Variants in PLCL2 observed in about 807,000 individuals in gnomAD.
PLCL2 encodes the protein phospholipase C like 2, also known as inactive phospholipase C-like protein 2.
PLCL2 carries 4 observed loss-of-function variants against 79.6 expected under a neutral mutation model. That is an observed-to-expected ratio of 0.05 (90% CI 0.02 to 0.11). PLCL2 has a LOEUF of 0.11. Among genes scored for constraint, PLCL2 ranks in the 10% least tolerant of loss-of-function variants. The pLI is 1.00. For synonymous variants in PLCL2, 484 were observed against 457.7 expected, an observed-to-expected ratio of 1.06 and a Z score of -0.73; for missense variants, 895 against 1,291.0, an observed-to-expected ratio of 0.69 and a Z score of 4.70.
intron 4 of PLCL2, among the ~76,000 whole-genome samples, chr3:17,049,301 TGTCAAGGTA>T (rs1480801873): frequency 6.6e-6 from 1 of 152,156 alleles, no homozygotes; most frequent in African/African-American, 2.4e-5. Flanking sequence ...GCTTAAAAAA[TGTCAAGGTA>T]ATAGGCGAAG....
At chr3:16,982,387 T>C (rs1344127665) in intron 1 of PLCL2, among the ~76,000 whole-genome samples, 1 of 152,244 alleles carries the variant, frequency 6.6e-6, no homozygotes, top group East Asian at 1.9e-4. Flanking sequence ...CATTTTTTTC[T>C]TTCCCTGTTT....
chr3:16,982,520 C>G (rs2064010002), intron 1 of PLCL2, among the ~76,000 whole-genome samples: 6 of 152,214 alleles, frequency 3.9e-5, no homozygotes, highest in Admixed American at 1.3e-4. Flanking sequence ...GTGTAAAGTA[C>G]TCTCCAAGAT....
chr3:17,073,948 A>T (rs932807784), intron 5 of PLCL2, among the ~76,000 whole-genome samples: 2 of 152,156 alleles, frequency 1.3e-5, no homozygotes, highest in Non-Finnish European at 2.9e-5. Context: ...GAGGGCTGGG[A>T]TCAACTTCCT....
intron 3 of PLCL2, among the ~76,000 whole-genome samples, chr3:17,040,995 A>G (rs949029446): frequency 1.3e-5 from 2 of 152,138 alleles, no homozygotes; most frequent in Admixed American, 6.6e-5. Context: ...AGCTGTAACA[A>G]TCACCATCCT....
At chr3:16,992,412 C>T (rs905133588) in intron 1 of PLCL2, among the ~76,000 whole-genome samples, 2 of 152,212 alleles carry the variant, frequency 1.3e-5, no homozygotes, top group Non-Finnish European at 2.9e-5. Context: ...TAACTGCCCT[C>T]CACAGTGCTC....
chr3:16,944,084 T>C (rs952004724), intron 1 of PLCL2, among the ~76,000 whole-genome samples: 6 of 152,224 alleles, frequency 3.9e-5, no homozygotes, highest in African/African-American at 1.4e-4. Flanking sequence ...TTTATTGCAC[T>C]TACTAGCTGT....
chr3:16,894,955 C>T lies in PLCL2; in HGVS notation c.327+9589C>T, dbSNP rs993191462. ...GCTTAGATTTTTATTTCTATCAATC[C>T]GTGCTAATAGCTTATATTAAATGCC... On this transcript the variant is annotated intron_variant, in intron 1 of 5. Transcript: ENST00000615277. Among the ~76,000 whole-genome samples the T allele has an allele frequency of 5.9e-5, 9 of 151,502 alleles. No individual in the cohort carries two copies. In the South Asian group the frequency reaches 1.5e-3, roughly 25 times the overall value.
intron 5 of PLCL2, among the ~76,000 whole-genome samples, chr3:17,068,995 G>C (rs2065035517): frequency 6.6e-6 from 1 of 152,170 alleles, no homozygotes. Context: ...GGGAAGAAAG[G>C]AAGGCTTCCC....
chr3:16,892,879 G>A (rs1696383868), intron 1 of PLCL2, among the ~76,000 whole-genome samples: 1 of 152,166 alleles, frequency 6.6e-6, no homozygotes, highest in Non-Finnish European at 1.5e-5. Context: ...GGCAAAGCCA[G>A]CATTCTGACC....
intron 5 of PLCL2, among the ~76,000 whole-genome samples, chr3:17,086,422 C>T (rs2065221120): frequency 6.6e-6 from 1 of 152,194 alleles, no homozygotes; most frequent in South Asian, 2.1e-4. Flanking sequence ...ACACCCTTCA[C>T]AAGAATTAAC....
intron 5 of PLCL2, among the ~76,000 whole-genome samples, chr3:17,084,769 A>T (rs1191116683): frequency 3.9e-5 from 6 of 152,180 alleles, no homozygotes; most frequent in Non-Finnish European, 8.8e-5. Context: ...AATAGAGAGG[A>T]CCTTACTCAA....
chr3:17,013,106 G>A (rs967684514), intron 2 of PLCL2, among the ~76,000 whole-genome samples: 2 of 152,130 alleles, frequency 1.3e-5, no homozygotes, highest in Non-Finnish European at 2.9e-5. Context: ...AAGCATAACA[G>A]ACATATGAAG....
At chr3:16,944,260 G>C (rs2063580834) in intron 1 of PLCL2, among the ~76,000 whole-genome samples, 1 of 152,184 alleles carries the variant, frequency 6.6e-6, no homozygotes, top group East Asian at 1.9e-4. Flanking sequence ...CTCAATACAG[G>C]TTAGTCAATC....
chr3:17,024,202 A>C (rs1355015837), intron 3 of PLCL2, among the ~76,000 whole-genome samples: 1 of 152,210 alleles, frequency 6.6e-6, no homozygotes, highest in Non-Finnish European at 1.5e-5. Context: ...TATTTTTGTT[A>C]GGTGAATAAC....
At chr3:16,986,156 G>C (rs1412804717) in intron 1 of PLCL2, among the ~76,000 whole-genome samples, 1 of 152,030 alleles carries the variant, frequency 6.6e-6, no homozygotes, top group Non-Finnish European at 1.5e-5. Context: ...TAGAAATGAT[G>C]TTGGACTACT....
rs1319788850 is a variant in PLCL2 at position 16,964,934 on chromosome 3, A to G, written c.328-44740A>G. Among the ~76,000 whole-genome samples the G allele has an allele frequency of 2.6e-5, 4 of 151,502 alleles. No homozygotes were observed. The South Asian group carries it at 6.3e-4, about 24-fold the overall frequency. Reference sequence around the variant, plus strand: ...GCTGGATATTAGCCCTTTGTCAGATAAGTAGATTGCAAAAATGTTCTCCCA... The same window carrying G: ...GCTGGATATTAGCCCTTTGTCAGATGAGTAGATTGCAAAAATGTTCTCCCA... On this transcript the variant is annotated intron_variant, in intron 1 of 5. Transcript: ENST00000615277.
At chr3:17,015,020 C>T in intron 3 of PLCL2, 109 bp downstream of exon 3, 1 of 775,302 alleles carries the variant, frequency 1.3e-6, no homozygotes, top group Non-Finnish European at 2.2e-6. Flanking sequence ...CTATTTCATG[C>T]TTCATTCACC....
rs1281570364 is a variant in PLCL2, at chr3:17,010,920, T to C, written c.1574T>C (p.Ile525Thr). 6.2e-7 allele frequency: 1 copy of C among 1,614,012 alleles called. No individual in the cohort carries two copies. Among genetic ancestry groups the C allele is most frequent in the African/African-American group, 1.3e-5 (1 of 74,928 alleles). The change falls in exon 2 of 6, where the codon ATT (isoleucine) becomes ACT (threonine). Residue 525 changes from isoleucine (I) to threonine (T), a missense_variant. Physicochemically the swap from Ile to Thr is moderately conservative, Grantham distance 89. Coordinates refer to ENST00000615277, the MANE Select transcript of PLCL2 (RefSeq NM_001144382.2). This position sits in a 1 kb window ranked among gnomAD's most constrained non-coding sequence, Gnocchi z 5.8. ...LILCLENHCS[I>T]KQQKVMVQHM... ...TTGTGTTTAGAAAACCACTGTTCCA[T>C]TAAACAACAGAAGGTAATGGTTCAG...
intron 4 of PLCL2, among the ~76,000 whole-genome samples, chr3:17,044,902 T>G (rs2124922839): frequency 6.6e-6 from 1 of 152,338 alleles, no homozygotes; most frequent in East Asian, 1.9e-4. Context: ...ATCTTATCTA[T>G]TAGGGATTTT....
Sources: gnomAD v4.1 joint callset for allele counts (sites outside exome capture counted in the v4.1 genomes callset) on GRCh38, gnomAD v4.1.1 for gene constraint, Gnocchi (gnomAD v3.1) non-coding constraint, MANE v1.5 for transcripts, NCBI Gene and HGNC (gene_info 2026-07-23, HGNC 2026-07-21) for gene names.